KCNMA1: variants seen among roughly 807,000 people sequenced by gnomAD.
The protein encoded by KCNMA1 is Calcium-activated potassium channel subunit alpha-1.
A neutral mutation model predicts 140.0 loss-of-function variants in KCNMA1; 29 were observed. That is an observed-to-expected ratio of 0.21 (90% confidence interval 0.15 to 0.28). KCNMA1 has a LOEUF of 0.28. KCNMA1 is among the 10% of genes least tolerant of loss of function. The pLI, the probability that KCNMA1 is intolerant of heterozygous loss-of-function variation, is 1.00. For missense variants in KCNMA1, 880 were observed against 1,602.2 expected, an observed-to-expected ratio of 0.55 and a Z score of 7.70; for synonymous variants, 612 against 611.9, an observed-to-expected ratio of 1.00 and a Z score of 0.00.
intron 2 of KCNMA1, among the ~76,000 whole-genome samples, chr10:77,328,181 A>G (rs2084950478): frequency 6.6e-6 from 1 of 152,238 alleles, no homozygotes; most frequent in Admixed American, 6.5e-5. Context: ...CAATACATGC[A>G]AAACAGTACT....
chr10:77,215,624 T>C (rs1457226756), intron 3 of KCNMA1, among the ~76,000 whole-genome samples: 1 of 152,086 alleles, frequency 6.6e-6, no homozygotes, highest in Non-Finnish European at 1.5e-5. Flanking sequence ...GCAGAGATAA[T>C]AAACTTAGCT....
At chr10:77,053,973 T>C (rs944695034) in intron 14 of KCNMA1, among the ~76,000 whole-genome samples, 2 of 152,158 alleles carry the variant, frequency 1.3e-5, no homozygotes, top group African/African-American at 4.8e-5. Flanking sequence ...ATCCTTGCCC[T>C]GTCCCATCCT....
chr10:76,966,555 T>G (rs1286494665), intron 20 of KCNMA1, among the ~76,000 whole-genome samples: 1 of 152,130 alleles, frequency 6.6e-6, no homozygotes, highest in Non-Finnish European at 1.5e-5. Flanking sequence ...CTTAGCTATT[T>G]AGAGACAAAC....
At chr10:76,994,933 G>A (rs908023820) in intron 19 of KCNMA1, among the ~76,000 whole-genome samples, 6 of 152,208 alleles carry the variant, frequency 3.9e-5, no homozygotes, top group African/African-American at 1.4e-4. Context: ...CAGACCCACT[G>A]TCCGTTTCTG....
At chr10:77,110,660 C>T (rs546912951) in intron 7 of KCNMA1, among the ~76,000 whole-genome samples, 17 of 152,324 alleles carry the variant, frequency 1.1e-4, no homozygotes, top group Admixed American at 9.8e-4. Flanking sequence ...AAATTCAGGG[C>T]ATTGCCTCTG....
intron 19 of KCNMA1, chr10:76,979,957 C>A (rs1057408580): frequency 6.6e-6 from 1 of 152,148 alleles, no homozygotes; most frequent in African/African-American, 2.4e-5. Flanking sequence ...CTAAACACAG[C>A]ATTTAGTATA....
intron 9 of KCNMA1, among the ~76,000 whole-genome samples, chr10:77,100,753 G>T (rs892776053): frequency 2.6e-5 from 4 of 152,144 alleles, no homozygotes; most frequent in South Asian, 2.1e-4. Context: ...GGCTGCAATT[G>T]TTCCTGAGAT....
Position 77,180,063 on chromosome 10 carries a change from T to G in KCNMA1, c.808+3358A>C, listed in dbSNP as rs187924735. Among the ~76,000 whole-genome samples, 10 of 152,278 alleles carry G rather than the reference T, an allele frequency of 6.6e-5. 1 individual carries two copies. The highest frequency in any genetic ancestry group is 6.5e-4 in the Admixed American group (10 of 15,300). Reference sequence around the variant, plus strand: ...GACCCTGCATTCACTCTGGTTTTTATCTCCCACAGAGCCAGCTACCGCACA... The same window carrying G: ...GACCCTGCATTCACTCTGGTTTTTAGCTCCCACAGAGCCAGCTACCGCACA... On this transcript the variant is annotated intron_variant, in intron 5 of 27. Coordinates refer to ENST00000286628, the MANE Select transcript of KCNMA1 (RefSeq NM_001161352.2).
intron 14 of KCNMA1, among the ~76,000 whole-genome samples, chr10:77,061,988 A>G (rs1421068476): frequency 1.3e-5 from 2 of 152,204 alleles, no homozygotes; most frequent in Non-Finnish European, 2.9e-5. Context: ...AGTGGTTGCC[A>G]GGGCCTAGGA....
At chr10:76,870,739 T>C (rs10762732) in exon 28 of KCNMA1, 90,833 of 152,374 alleles carry the variant, frequency 0.6, 27,778 homozygotes, top group African/African-American at 0.75. Flanking sequence ...CACCACAGGT[T>C]CTGTCCAGCC....
chr10:77,514,198 C>T (rs561524289), intron 1 of KCNMA1, among the ~76,000 whole-genome samples: 27 of 152,344 alleles, frequency 1.8e-4, no homozygotes, highest in Non-Finnish European at 2.8e-4. Context: ...CTGGCAGTGC[C>T]GCCCAACAGA....
intron 17 of KCNMA1, chr10:77,012,500 C>T: frequency 2.6e-6 from 4 of 1,550,258 alleles, no homozygotes; most frequent in Middle Eastern, 3.4e-4. Flanking sequence ...AAATATCAAG[C>T]TTGTCACTCT....
intron 1 of KCNMA1, among the ~76,000 whole-genome samples, chr10:77,460,381 A>G (rs1412636544): frequency 4.6e-5 from 7 of 152,160 alleles, no homozygotes; most frequent in Non-Finnish European, 8.8e-5. Flanking sequence ...TAGCAACCCC[A>G]CTAATGAGTA....
At chr10:77,403,740 AC>A (rs2096365238) in intron 2 of KCNMA1, 121 bp downstream of exon 2, 2 of 943,210 alleles carry the variant, frequency 2.1e-6, no homozygotes, top group Admixed American at 2.5e-5. Context: ...CTTGCTGCTC[AC>A]CCCCACCTCC....
At chr10:77,520,268 T>TGTGCA (rs2154550466) in intron 1 of KCNMA1, among the ~76,000 whole-genome samples, 2 of 8,180 alleles carry the variant, frequency 2.4e-4, no homozygotes, top group Admixed American at 1.2e-3. Context: ...CAGTGTGAGG[T>TGTGCA]CTGGGATATG....
At chr10:76,998,999 C>T (rs370579991) in intron 19 of KCNMA1, among the ~76,000 whole-genome samples, 6 of 152,310 alleles carry the variant, frequency 3.9e-5, no homozygotes, top group South Asian at 2.1e-4. Context: ...AGGCAAATCG[C>T]CCCCTGAGCT....
intron 5 of KCNMA1, among the ~76,000 whole-genome samples, chr10:77,132,673 T>C (rs2097890955): frequency 1.3e-5 from 2 of 152,116 alleles, no homozygotes; most frequent in South Asian, 4.1e-4. Context: ...GGATAAATTT[T>C]ATAACATCAA....
intron 19 of KCNMA1, among the ~76,000 whole-genome samples, chr10:76,971,943 T>A (rs920082281): frequency 1.3e-5 from 2 of 151,682 alleles, no homozygotes; most frequent in East Asian, 3.9e-4. Context: ...TCTGAGGCAA[T>A]AATGGGGTAG....
chr10:77,256,921 T>G (rs577482975), intron 2 of KCNMA1, among the ~76,000 whole-genome samples: 6 of 152,088 alleles, frequency 3.9e-5, no homozygotes, highest in African/African-American at 1.4e-4. Context: ...CTGGGCAACA[T>G]AGAGAGACCA....
Sources: allele counts gnomAD v4.1 joint callset (sites outside exome capture counted in the v4.1 genomes callset), GRCh38; gene constraint gnomAD v4.1.1; transcripts MANE v1.5; gene names NCBI Gene and HGNC (gene_info 2026-07-23, HGNC 2026-07-21).